Variants in RALGPS1 observed in about 807,000 individuals in gnomAD.
The protein encoded by RALGPS1 is ras-specific guanine nucleotide-releasing factor RalGPS1.
A neutral mutation model predicts 78.8 loss-of-function variants in RALGPS1; 19 were observed. The observed-to-expected ratio is 0.24, with a 90% CI of 0.17 to 0.35. RALGPS1 has a LOEUF of 0.35. Among genes scored for constraint, RALGPS1 ranks in the 10% least tolerant of loss-of-function variants. The pLI is 1.00. For missense variants in RALGPS1, 454 were observed against 688.3 expected (o/e 0.66, Z 3.81); for synonymous variants, 228 against 256.3 (o/e 0.89, Z 1.06).
chr9:127,124,589 TA>T (rs2137915898), intron 8 of RALGPS1, among the ~76,000 whole-genome samples: 1 of 152,306 alleles, frequency 6.6e-6, no homozygotes, highest in East Asian at 1.9e-4. Context: ...ATTTTGGTGG[TA>T]ATTTGTTACA....
chr9:127,213,180 A>T (rs1026392795), intron 17 of RALGPS1, 131 bp downstream of exon 17: 59 of 1,474,626 alleles, frequency 4.0e-5, no homozygotes, highest in Non-Finnish European at 4.7e-5. Flanking sequence ...TCTGACGTTC[A>T]TGGGGTCCAT....
chr9:127,120,639 T>C (rs2055956756), intron 8 of RALGPS1, among the ~76,000 whole-genome samples: 1 of 152,088 alleles, frequency 6.6e-6, no homozygotes, highest in African/African-American at 2.4e-5. Flanking sequence ...CTGGCTAACG[T>C]GGTGAAACCC....
chr9:127,173,362 A>T (rs187022888), intron 10 of RALGPS1, among the ~76,000 whole-genome samples: 2 of 152,010 alleles, frequency 1.3e-5, no homozygotes, highest in Non-Finnish European at 2.9e-5. Flanking sequence ...ACCCAGTGAG[A>T]CCCCTCATTG....
intron 14 of RALGPS1, among the ~76,000 whole-genome samples, chr9:127,200,181 C>T (rs2789518): frequency 0.61 from 93,458 of 152,186 alleles, 31,852 homozygotes; most frequent in Admixed American, 0.77. Context: ...CCTCCTCTGG[C>T]GCTGAAGCTT....
intron 1 of RALGPS1, among the ~76,000 whole-genome samples, chr9:126,960,143 T>G (rs1448116608): frequency 2.0e-5 from 3 of 150,300 alleles, no homozygotes; most frequent in African/African-American, 7.3e-5. Flanking sequence ...TTGCCCCTGT[T>G]TCTTCCCTTT....
At chr9:127,133,293 TAGCAGAG>T (rs1387595856) in intron 8 of RALGPS1, among the ~76,000 whole-genome samples, 1 of 152,198 alleles carries the variant, frequency 6.6e-6, no homozygotes, top group East Asian at 1.9e-4. Context: ...AAGGGCAGCC[TAGCAGAG>T]AGTGAGAGTG....
At chr9:127,170,806 AG>A (rs1425135870) in intron 10 of RALGPS1, among the ~76,000 whole-genome samples, 1 of 152,236 alleles carries the variant, frequency 6.6e-6, no homozygotes, top group African/African-American at 2.4e-5. Context: ...GCTAAACAAC[AG>A]TCAGCCTAGC....
chr9:126,921,919 G>T (rs1288263807), intron 1 of RALGPS1, among the ~76,000 whole-genome samples: 2 of 152,200 alleles, frequency 1.3e-5, no homozygotes, highest in Non-Finnish European at 2.9e-5. Flanking sequence ...GGGTATTAAT[G>T]TATTGTCTGT....
At chr9:127,120,540 C>G (rs1245563872) in intron 8 of RALGPS1, among the ~76,000 whole-genome samples, 2 of 152,232 alleles carry the variant, frequency 1.3e-5, no homozygotes, top group Non-Finnish European at 2.9e-5. Flanking sequence ...ATTTGGGTCT[C>G]TGGCCGGGTG....
chr9:127,202,473 C>A (rs1405137883), intron 14 of RALGPS1, among the ~76,000 whole-genome samples: 1 of 152,134 alleles, frequency 6.6e-6, no homozygotes, highest in Non-Finnish European at 1.5e-5. Flanking sequence ...TGCTGTACTG[C>A]CCTCGGTGGG....
intron 8 of RALGPS1, among the ~76,000 whole-genome samples, chr9:127,084,787 A>T (rs1468077350): frequency 1.3e-5 from 2 of 152,244 alleles, no homozygotes; most frequent in East Asian, 3.8e-4. Flanking sequence ...CTTTGCAGGG[A>T]TGATCTTGCA....
intron 8 of RALGPS1, among the ~76,000 whole-genome samples, chr9:127,158,636 T>G (rs1259037479): frequency 2.0e-5 from 3 of 152,190 alleles, no homozygotes; most frequent in African/African-American, 7.2e-5. Flanking sequence ...TTTTAAAAAT[T>G]CATTATTTAT....
intron 6 of RALGPS1, among the ~76,000 whole-genome samples, chr9:127,052,246 A>G (rs978267713): frequency 7.5e-4 from 114 of 152,340 alleles, no homozygotes; most frequent in Non-Finnish European, 1.8e-4. Context: ...GCATAAAACC[A>G]GGAACAGAGC....
chr9:126,952,906 G>A (rs1218986250), intron 1 of RALGPS1, among the ~76,000 whole-genome samples: 2 of 152,176 alleles, frequency 1.3e-5, no homozygotes, highest in Admixed American at 1.3e-4. Flanking sequence ...CACTGCGGAA[G>A]TGGGCTTGGA....
intron 8 of RALGPS1, chr9:127,108,480 C>T: frequency 6.2e-7 from 1 of 1,612,656 alleles, no homozygotes. Flanking sequence ...CCTGCTTATG[C>T]ACTCGGTTCT....
At chr9:127,146,966 C>T in intron 8 of RALGPS1, among the ~76,000 whole-genome samples, 1 of 152,264 alleles carries the variant, frequency 6.6e-6, no homozygotes, top group South Asian at 2.1e-4. Context: ...CTGCTTTCCA[C>T]AGTGACTGGA....
intron 1 of RALGPS1, among the ~76,000 whole-genome samples, chr9:126,942,223 A>G (rs2036858557): frequency 6.6e-6 from 1 of 151,490 alleles, no homozygotes; most frequent in Admixed American, 6.6e-5. Context: ...TCCTTTATAG[A>G]AGTTTTAATT....
intron 8 of RALGPS1, among the ~76,000 whole-genome samples, chr9:127,151,405 G>A (rs998196518): frequency 6.6e-6 from 1 of 151,996 alleles, no homozygotes; most frequent in Admixed American, 6.6e-5. Context: ...CAAAGCAATT[G>A]ACATATCATC....
chr9:127,106,770 T>G (rs2054257475), intron 8 of RALGPS1, among the ~76,000 whole-genome samples: 1 of 152,218 alleles, frequency 6.6e-6, no homozygotes, highest in African/African-American at 2.4e-5. Context: ...GCCACCCTCC[T>G]GCACTCAGGT....
Sources: allele counts gnomAD v4.1 joint callset (sites outside exome capture counted in the v4.1 genomes callset), GRCh38; gene constraint gnomAD v4.1.1; transcripts MANE v1.5; gene names NCBI Gene and HGNC (gene_info 2026-07-23, HGNC 2026-07-21).